HSD17B14: variants seen among roughly 807,000 people sequenced by gnomAD.
HSD17B14 encodes L-fucose dehydrogenase.
Under a neutral mutation model 32.2 loss-of-function variants are expected in HSD17B14, and 32 were observed. The ratio of observed to expected loss-of-function variants is 0.99; its 90% CI spans 0.75 to 1.33. The LOEUF is 1.33. Among genes scored for constraint, HSD17B14 ranks in the 40% most tolerant of loss-of-function variants. The probability of loss-of-function intolerance (pLI) is 0.00; values close to 1 mark genes in which losing one functional copy is unlikely to be tolerated. For missense variants in HSD17B14, 370 were observed against 366.5 expected, an observed-to-expected ratio of 1.01 and a Z score of -0.08; for synonymous variants, 140 against 155.4, an observed-to-expected ratio of 0.90 and a Z score of 0.74.
Position 48,815,152 on chromosome 19 carries a change from A to G in HSD17B14, c.370-11T>C. On this transcript the variant is annotated splice_polypyrimidine_tract_variant and intron_variant, in intron 5 of 8. Transcript: ENST00000263278. The stretch of plus-strand genomic sequence containing the variant: ...GTAGGGGAGGGCGAGCTAGGGAGAC[A>G]AGAGGCCAAGTAAGCTACACAAGCC... 3 of 1,599,054 alleles carry G rather than the reference A, an allele frequency of 1.9e-6. No individual in the cohort carries two copies. Among genetic ancestry groups the G allele is most frequent in the Non-Finnish European group, 2.6e-6 (3 of 1,166,396 alleles).
intron 5 of HSD17B14, among the ~76,000 whole-genome samples, chr19:48,826,569 A>ACATAT (rs2035255881): frequency 7.1e-6 from 1 of 140,890 alleles, no homozygotes; most frequent in Admixed American, 7.4e-5. Context: ...ACACACACAC[A>ACATAT]CACACATATA....
At chr19:48,816,328 C>G (rs904197686) in intron 5 of HSD17B14, among the ~76,000 whole-genome samples, 7 of 152,292 alleles carry the variant, frequency 4.6e-5, no homozygotes, top group Admixed American at 1.3e-4. Context: ...CCCACCAACT[C>G]TTTCAAGCCA....
chr19:48,829,719 C>G (rs2035306475), intron 5 of HSD17B14, among the ~76,000 whole-genome samples: 1 of 146,308 alleles, frequency 6.8e-6, no homozygotes, highest in South Asian at 2.2e-4. Flanking sequence ...TCTCAGCTCA[C>G]TGCAACCTCT....
intron 3 of HSD17B14, among the ~76,000 whole-genome samples, chr19:48,833,451 G>T (rs763934556): frequency 3.4e-4 from 52 of 152,262 alleles, no homozygotes; most frequent in Middle Eastern, 6.8e-3. Flanking sequence ...CAACACTTTG[G>T]GAGGCTGAGG....
At chr19:48,836,275 T>A in intron 1 of HSD17B14, 49 bp downstream of exon 1, 76 of 1,182,282 alleles carry the variant, frequency 6.4e-5, no homozygotes, top group Middle Eastern at 2.0e-4. Flanking sequence ...CCCGCCCCCA[T>A]CCTTCCTTTC....
chr19:48,828,720 A>C (rs1186696063), intron 5 of HSD17B14, among the ~76,000 whole-genome samples: 1 of 152,012 alleles, frequency 6.6e-6, no homozygotes, highest in Non-Finnish European at 1.5e-5. Context: ...ACTTGAGCCC[A>C]AGAGTTTGAG....
Position 48,815,057 on chromosome 19 carries a change from C to T in HSD17B14, c.454G>A (p.Val152Ile). Residue 152 changes from valine to isoleucine, a missense_variant, in exon 6 of 9, where the codon GTT (valine) becomes ATT (isoleucine). Physicochemically the swap from Val to Ile is conservative, Grantham distance 29. Transcript: ENST00000263278. Reference protein sequence around the residue: ...LVGAIGQAQAVPYVATKGAVT... With the variant: ...LVGAIGQAQAIPYVATKGAVT... ...CATACCTTGGTGGCCACATAGGGAA[C>T]TGCCTGGGCCTGGCCGATTGCCCCC... 1.9e-6 allele frequency: 3 copies of T among 1,613,848 alleles called. No homozygotes were observed. The highest frequency in any genetic ancestry group is 2.5e-6 in the Non-Finnish European group (3 of 1,179,856).
chr19:48,825,966 A>G (rs192244896), intron 5 of HSD17B14, among the ~76,000 whole-genome samples: 124 of 151,956 alleles, frequency 8.2e-4, no homozygotes, highest in African/African-American at 2.7e-3. Flanking sequence ...GACTACAGGC[A>G]CCCGCCACCG....
At chr19:48,814,119 C>G (rs750413465) in intron 6 of HSD17B14, among the ~76,000 whole-genome samples, 2 of 151,844 alleles carry the variant, frequency 1.3e-5, no homozygotes, top group Non-Finnish European at 2.9e-5. Flanking sequence ...CGCTTGAACC[C>G]ATGAGGCAGG....
rs1256624585 is a variant in HSD17B14 at position 48,836,415 on chromosome 19, G to A, written c.-4C>T. 4.3e-6 allele frequency: 7 copies of A among 1,612,396 alleles called. No homozygotes were observed. The highest frequency in any genetic ancestry group is 2.5e-6 in the Non-Finnish European group (3 of 1,179,916). On this transcript the variant is annotated 5_prime_UTR_variant, in exon 1 of 9. The change creates a new upstream start codon in the 5' untranslated region. Coordinates refer to ENST00000263278, the MANE Select transcript of HSD17B14 (RefSeq NM_016246.3). Reference sequence around the variant, plus strand: ...CATAGCGCGTTCCCGTAGCCATCCCGTGTACGTCGGTCTCTCTCTCTCTCT... The same window carrying A: ...CATAGCGCGTTCCCGTAGCCATCCCATGTACGTCGGTCTCTCTCTCTCTCT...
At chr19:48,822,789 A>G (rs962122441) in intron 5 of HSD17B14, among the ~76,000 whole-genome samples, 1 of 150,964 alleles carries the variant, frequency 6.6e-6, no homozygotes, top group Non-Finnish European at 1.5e-5. Flanking sequence ...GGTGGTAATG[A>G]TGGTGACGAT....
intron 5 of HSD17B14, among the ~76,000 whole-genome samples, chr19:48,822,330 TGGTG>T (rs2035169837): frequency 1.4e-5 from 1 of 73,206 alleles, no homozygotes; most frequent in African/African-American, 4.9e-5. Context: ...ATGATGGTGA[TGGTG>T]ATGATGGTGG....
At chr19:48,824,015 G>A (rs1483406524) in intron 5 of HSD17B14, among the ~76,000 whole-genome samples, 1 of 148,740 alleles carries the variant, frequency 6.7e-6, no homozygotes, top group Non-Finnish European at 1.5e-5. Flanking sequence ...AGCACTTTGG[G>A]AGGCCGAGGC....
chr19:48,833,882 C>T (rs961949905), intron 3 of HSD17B14, among the ~76,000 whole-genome samples: 4 of 151,460 alleles, frequency 2.6e-5, no homozygotes, highest in African/African-American at 7.3e-5. Flanking sequence ...CCCAGCTACT[C>T]GGGAGGCTGA....
chr19:48,832,056 C>A (rs1375891308), intron 4 of HSD17B14, among the ~76,000 whole-genome samples: 2 of 130,462 alleles, frequency 1.5e-5, no homozygotes, highest in Non-Finnish European at 3.1e-5. Flanking sequence ...CCAGCCTGGG[C>A]GACAGAGTGA....
chr19:48,820,261 G>A (rs969147410), intron 5 of HSD17B14, among the ~76,000 whole-genome samples: 9 of 151,898 alleles, frequency 5.9e-5, no homozygotes, highest in African/African-American at 1.9e-4. Flanking sequence ...ATCACCTAAG[G>A]TCAAGAGTTC....
intron 5 of HSD17B14, among the ~76,000 whole-genome samples, chr19:48,821,169 C>G (rs146194001): frequency 2.3e-4 from 35 of 152,008 alleles, no homozygotes; most frequent in Non-Finnish European, 4.1e-4. Context: ...CCCGCTACCA[C>G]GCCCAGCTAA....
intron 4 of HSD17B14, 104 bp downstream of exon 4, chr19:48,832,562 A>AG (rs1199435471): frequency 1.0e-6 from 1 of 991,832 alleles, no homozygotes; most frequent in African/African-American, 1.6e-5. Flanking sequence ...AAGAGGTATG[A>AG]GGCAGGATGA....
intron 3 of HSD17B14, 140 bp from the exon 4 acceptor site, chr19:48,832,872 G>T: frequency 1.4e-6 from 1 of 694,614 alleles, no homozygotes; most frequent in Non-Finnish European, 2.5e-6. Flanking sequence ...TCCTACCTCA[G>T]CCTCCCAAGT....
Sources: gnomAD v4.1 joint callset for allele counts (sites outside exome capture counted in the v4.1 genomes callset) on GRCh38, gnomAD v4.1.1 for gene constraint, MANE v1.5 for transcripts, NCBI Gene and HGNC (gene_info 2026-07-23, HGNC 2026-07-21) for gene names.